The following NOBOX variants were observed in gnomAD, a reference collection of about 807,000 sequenced individuals.
NOBOX encodes the protein homeobox protein NOBOX.
In NOBOX, 46 loss-of-function variants were observed where a neutral mutation model predicts 60.2. The observed-to-expected ratio is 0.76, with a 90% CI of 0.60 to 0.98. The LOEUF (loss-of-function observed/expected upper bound fraction) is 0.98. NOBOX is among the 50% of genes least tolerant of loss of function. The pLI is 0.00. For synonymous variants in NOBOX, 360 were observed against 346.3 expected, an observed-to-expected ratio of 1.04 and a Z score of -0.44; for missense variants, 880 against 865.5, an observed-to-expected ratio of 1.02 and a Z score of -0.21.
chr7:144,401,197 G>A lies in NOBOX; in HGVS notation c.693C>T (p.Asn231=). 4 of 1,613,738 alleles carry A rather than the reference G, an allele frequency of 2.5e-6. No individual in the cohort carries two copies. The highest frequency in any genetic ancestry group is 3.4e-6 in the Non-Finnish European group (4 of 1,179,790). ...CCCGGCCTGACCCACAGGGCACTGG[G>A]TTGTGTGTGGCACGGGCTGAGTTAG... Residue 231 remains asparagine, a synonymous_variant, in exon 4 of 10, where the codon AAC becomes AAT. Coordinates refer to ENST00000467773, the MANE Select transcript of NOBOX (RefSeq NM_001080413.3). This position sits in a 1 kb window ranked among gnomAD's most constrained non-coding sequence, Gnocchi z 4.2.
At position 144,400,256 on chromosome 7, in the gene NOBOX, T is replaced by C. The variant is rs772595816; in HGVS notation, c.901A>G (p.Lys301Glu). 4 of 1,614,074 alleles carry C rather than the reference T, an allele frequency of 2.5e-6. No individual in the cohort carries two copies. The highest frequency in any genetic ancestry group is 3.4e-6 in the Non-Finnish European group (4 of 1,179,898). ...ACCGTCTGGGCAATCTCTCGGCGTT[T>C]ATCACTGTCAGGATAGTGGTCTTCT... The change falls in exon 5 of 10, where the codon AAA becomes GAA. Residue 301 changes from lysine (K) to glutamate (E), a missense_variant. By Grantham distance (56) the Lys-to-Glu change is moderately conservative. Coordinates refer to ENST00000467773, the MANE Select transcript of NOBOX (RefSeq NM_001080413.3).
Position 144,398,380 on chromosome 7 carries a change from A to G in NOBOX, c.1676T>C (p.Phe559Ser). ...CCCGCTGGGGCCACAGGGAAACATA[A>G]AGAGAGAGTCTTCGGGCGGTGGAAG... is the stretch of plus-strand genomic sequence containing the variant. The change falls in exon 9 of 10, where the codon TTT becomes TCT. Residue 559 changes from phenylalanine to serine, a missense_variant. Coordinates refer to ENST00000467773, the MANE Select transcript of NOBOX (RefSeq NM_001080413.3). 2 of 1,537,224 alleles carry G rather than the reference A, an allele frequency of 1.3e-6. No individual in the cohort carries two copies. The highest frequency in any genetic ancestry group is 1.7e-6 in the Non-Finnish European group (2 of 1,146,898).
At chr7:144,398,870 CTG>C in intron 8 of NOBOX, 78 bp downstream of exon 6, 2 of 766,710 alleles carry the variant, frequency 2.6e-6, no homozygotes, top group Non-Finnish European at 4.4e-6. Context: ...CCTCTCCTCT[CTG>C]TGTCTATCTT....
chr7:144,404,385 C>T lies in NOBOX; in HGVS notation c.210+171G>A, dbSNP rs372031733. ...GCCTCAGCCTCGCGAGTAGCTGGGA[C>T]TACAGGCGCCCGCCACCACGCCCGG... is the stretch of plus-strand genomic sequence containing the variant. On this transcript the variant is annotated intron_variant, in intron 2 of 9. Transcript: ENST00000467773. 3.5e-3 allele frequency among the ~76,000 whole-genome samples: 534 copies of T among 151,856 alleles called. 5 individuals are homozygous for T. Among genetic ancestry groups the T allele is most frequent in the African/African-American group, 0.012 (502 of 41,508 alleles).
At chr7:144,398,859 C>T in intron 8 of NOBOX, 91 bp downstream of exon 6, 2 of 732,138 alleles carry the variant, frequency 2.7e-6, no homozygotes, top group Non-Finnish European at 2.4e-6. Context: ...TCTCAGTTAA[C>T]CCTCTCCTCT....
At chr7:144,403,792 C>T in intron 2 of NOBOX, 99 bp from the exon 1 acceptor site, 1 of 498,442 alleles carries the variant, frequency 2.0e-6, no homozygotes, top group Non-Finnish European at 3.5e-6. Context: ...CGGGCCGGGC[C>T]GGGCCGGGGG....
At chr7:144,404,760 T>C in intron 1 of NOBOX, 7 of 1,555,134 alleles carry the variant, frequency 4.5e-6, no homozygotes, top group Non-Finnish European at 6.1e-6. Context: ...AGGGACTTTC[T>C]TGGGGGAGAT....
chr7:144,408,864 G>C (rs995597735), intron 1 of NOBOX, among the ~76,000 whole-genome samples: 1 of 152,124 alleles, frequency 6.6e-6, no homozygotes, highest in Admixed American at 6.5e-5. Flanking sequence ...TATAGTGGTG[G>C]TTCCACAAGT....
At chr7:144,399,579 T>A in intron 6 of NOBOX, 97 bp from the exon 5 acceptor site, 1 of 1,206,934 alleles carries the variant, frequency 8.3e-7, no homozygotes, top group Non-Finnish European at 1.2e-6. Flanking sequence ...AAACTCTGCC[T>A]CCTACAGGGC....
rs567572930 is a variant in NOBOX, at chr7:144,406,980, G to A, written c.86-2300C>T. On this transcript the variant is annotated intron_variant, in intron 1 of 9. Coordinates refer to ENST00000467773, the MANE Select transcript of NOBOX (RefSeq NM_001080413.3). ...TAACTCAACTTTGTTTAGAGGACAG[G>A]GAGGTATTTTTTTTTAATTTTTAAT... 1.8e-4 allele frequency among the ~76,000 whole-genome samples: 27 copies of A among 151,976 alleles called. No individual in the cohort carries two copies. In the South Asian group the frequency reaches 5.7e-3, roughly 32 times the overall value.
At chr7:144,404,540 C>G in intron 2 of NOBOX, 1 of 1,609,750 alleles carries the variant, frequency 6.2e-7, no homozygotes, top group Admixed American at 1.7e-5. Flanking sequence ...TGAGCCACAG[C>G]GCTCGCCCCC....
chr7:144,397,137 T>C (rs2053898133), downstream of NOBOX: 1 of 984,746 alleles, frequency 1.0e-6, no homozygotes, highest in African/African-American at 1.6e-5. Flanking sequence ...CTCCCCTCAG[T>C]CTACAGAGTC....
intron 2 of NOBOX, 143 bp downstream of exon 1, chr7:144,403,514 A>ACCCCCCCCCACCCC: frequency 7.2e-6 from 1 of 138,302 alleles, no homozygotes; most frequent in Non-Finnish European, 1.4e-5. Flanking sequence ...GCCTCCTCCC[A>ACCCCCCCCCACCCC]CCCTACCCCA....
intron 6 of NOBOX, 51 bp from the exon 5 acceptor site, chr7:144,399,533 ACAGGTGCCTCATTGC>A (rs2053921149): frequency 6.9e-7 from 1 of 1,447,608 alleles, no homozygotes; most frequent in South Asian, 1.2e-5. Context: ...CTGGATTTGC[ACAGGTGCCTCATTGC>A]CAGGAGAGAC....
chr7:144,398,185 A>G, intron 9 of NOBOX, 97 bp downstream of exon 7: 3 of 1,095,810 alleles, frequency 2.7e-6, no homozygotes, highest in Non-Finnish European at 4.0e-6. Context: ...TTCACCACCC[A>G]TGACCTGCCT....
At chr7:144,404,528 C>T (rs1350206936) in intron 2 of NOBOX, 1 of 1,596,792 alleles carries the variant, frequency 6.3e-7, no homozygotes, top group Admixed American at 1.7e-5. Context: ...GAATTACAGG[C>T]GTGAGCCACA....
rs1329086880 is a variant in NOBOX at position 144,400,289 on chromosome 7, T to C, written c.868A>G (p.Ile290Val). Residue 290 changes from isoleucine (I) to valine (V), a missense_variant, in exon 5 of 10, where the codon ATA becomes GTA. Physicochemically the swap from Ile to Val is conservative, Grantham distance 29. Transcript: ENST00000467773. ...TCAGGATAGTGGTCTTCTTGGAATATCTTCTCTAGCTCCTCCAGCTGATCT... is the reference window on the plus strand; with the variant it reads ...TCAGGATAGTGGTCTTCTTGGAATACCTTCTCTAGCTCCTCCAGCTGATCT... 1 of 1,614,070 alleles carries C rather than the reference T, an allele frequency of 6.2e-7. No individual in the cohort carries two copies. Among genetic ancestry groups the C allele is most frequent in the South Asian group, 1.1e-5 (1 of 91,088 alleles).
chr7:144,402,027 G>T, intron 2 of NOBOX: 1 of 1,066,660 alleles, frequency 9.4e-7, no homozygotes, highest in Non-Finnish European at 1.5e-6. Flanking sequence ...TGCTGTTTCT[G>T]CTGCACAACA....
rs1305986734 is a variant in NOBOX, at chr7:144,398,462, G to C, written c.1594C>G (p.Gln532Glu). 19 of 1,537,226 alleles carry C rather than the reference G, an allele frequency of 1.2e-5. No individual in the cohort carries two copies. Among genetic ancestry groups the C allele is most frequent in the Non-Finnish European group, 1.7e-5 (19 of 1,146,920 alleles). Reference sequence around the variant, plus strand: ...GTGGGGAGGTAGGGCAACTTGGGCTGAGGGGACTGGAAAAGCGGGGGCTGT... The same window carrying C: ...GTGGGGAGGTAGGGCAACTTGGGCTCAGGGGACTGGAAAAGCGGGGGCTGT... Residue 532 changes from glutamine to glutamate, a missense_variant, in exon 9 of 10, where the codon CAG (glutamine) becomes GAG (glutamate). Gln to Glu is a conservative substitution (Grantham distance 29, BLOSUM62 2). Transcript: ENST00000467773.
Sources: allele counts gnomAD v4.1 joint callset (sites outside exome capture counted in the v4.1 genomes callset), GRCh38; gene constraint gnomAD v4.1.1; non-coding constraint Gnocchi (gnomAD v3.1); transcripts MANE v1.5; gene names NCBI Gene and HGNC (gene_info 2026-07-23, HGNC 2026-07-21).